Variants in KLRG1 observed in about 807,000 individuals in gnomAD.
KLRG1 encodes the protein killer cell lectin-like receptor subfamily G member 1.
KLRG1 carries 16 observed loss-of-function variants against 21.8 expected under a neutral mutation model. The observed-to-expected ratio is 0.73, with a 90% CI of 0.50 to 1.11. The LOEUF is 1.11. KLRG1 is among the 50% of genes most tolerant of loss of function. The pLI is 0.00. For missense variants in KLRG1, 173 were observed against 218.3 expected, an observed-to-expected ratio of 0.79 and a Z score of 1.31; for synonymous variants, 69 against 75.9, an observed-to-expected ratio of 0.91 and a Z score of 0.47.
the KLRG1 span, chr12:9,201,418 A>G: frequency 1.7e-6 from 2 of 1,175,028 alleles, no homozygotes; most frequent in Non-Finnish European, 2.5e-6. Context: ...ACTTGTGATC[A>G]AACAACAAAC....
At chr12:9,120,799 A>T in the KLRG1 span, among the ~76,000 whole-genome samples, 1 of 151,742 alleles carries the variant, frequency 6.6e-6, no homozygotes, top group Non-Finnish European at 1.5e-5. Flanking sequence ...ATCTACAGAG[A>T]TGTACTCAGT....
At chr12:8,985,177 T>A (rs1195622890), upstream of KLRG1, among the ~76,000 whole-genome samples, 3 of 152,198 alleles carry the variant, frequency 2.0e-5, no homozygotes, top group African/African-American at 7.2e-5. Flanking sequence ...CAGTGTTTTT[T>A]TTTTTTCGTG....
the KLRG1 span, chr12:9,160,901 C>T: frequency 1.0e-5 from 8 of 777,150 alleles, no homozygotes; most frequent in South Asian, 4.7e-5. Flanking sequence ...GGCGACAGAG[C>T]GAGACTCCAT....
the KLRG1 span, chr12:9,162,533 T>C: frequency 1.7e-5 from 19 of 1,127,050 alleles, 1 homozygote; most frequent in Non-Finnish European, 2.4e-5. Flanking sequence ...ATGTGCATTG[T>C]AACTTGAGGT....
chr12:9,130,627 A>C, the KLRG1 span, among the ~76,000 whole-genome samples: 1 of 151,898 alleles, frequency 6.6e-6, no homozygotes, highest in Admixed American at 6.6e-5. Context: ...AATATTTTGC[A>C]CACTTTAAAA....
the KLRG1 span, among the ~76,000 whole-genome samples, chr12:9,016,063 C>T: frequency 4.6e-5 from 7 of 151,790 alleles, no homozygotes; most frequent in African/African-American, 7.3e-5. Flanking sequence ...AGTAAAAATG[C>T]CTCAAATATA....
At chr12:8,966,470 A>G (rs1204334377) in intron 1 of KLRG1, among the ~76,000 whole-genome samples, 5 of 152,074 alleles carry the variant, frequency 3.3e-5, no homozygotes, top group African/African-American at 1.2e-4. Flanking sequence ...AGAATCTACA[A>G]TGAACTCAAA....
the KLRG1 span, among the ~76,000 whole-genome samples, chr12:9,182,703 AAG>A: frequency 6.6e-6 from 1 of 152,204 alleles, no homozygotes. Context: ...TTACATTTTA[AAG>A]CAGGGTGAAG....
At chr12:9,062,635 C>T in the KLRG1 span, among the ~76,000 whole-genome samples, 1 of 146,424 alleles carries the variant, frequency 6.8e-6, no homozygotes, top group African/African-American at 2.5e-5. Flanking sequence ...ATATATTATA[C>T]ATATACATTT....
At chr12:9,078,911 A>G in the KLRG1 span, among the ~76,000 whole-genome samples, 1 of 152,238 alleles carries the variant, frequency 6.6e-6, no homozygotes, top group East Asian at 1.9e-4. Flanking sequence ...AGCTGAAGTT[A>G]ACATGGTTTA....
chr12:9,071,052 TA>T, the KLRG1 span, among the ~76,000 whole-genome samples: 1 of 152,068 alleles, frequency 6.6e-6, no homozygotes, highest in African/African-American at 2.4e-5. Context: ...ACTCCCGACC[TA>T]AGGTAATCTG....
At chr12:9,002,555 C>A (rs1347314284) in intron 3 of KLRG1, among the ~76,000 whole-genome samples, 2 of 149,162 alleles carry the variant, frequency 1.3e-5, no homozygotes, top group African/African-American at 4.9e-5. Flanking sequence ...TCAGTTACCA[C>A]CTTTACCTAT....
At chr12:9,024,539 C>T in the KLRG1 span, among the ~76,000 whole-genome samples, 9 of 152,000 alleles carry the variant, frequency 5.9e-5, no homozygotes, top group South Asian at 2.1e-4. Context: ...TCTTTTCATA[C>T]ATTTTGCGTA....
At chr12:9,108,120 T>C in the KLRG1 span, among the ~76,000 whole-genome samples, 2 of 151,268 alleles carry the variant, frequency 1.3e-5, 1 homozygote, top group Middle Eastern at 6.8e-3. Context: ...TTTATTTTAT[T>C]TTATTTTATT....
At chr12:9,193,875 G>A in the KLRG1 span, among the ~76,000 whole-genome samples, 172 of 152,308 alleles carry the variant, frequency 1.1e-3, 4 homozygotes, top group East Asian at 0.021. Context: ...GATAATGATA[G>A]TGAAATTATC....
chr12:9,208,424 TG>T, the KLRG1 span: 1 of 1,064,014 alleles, frequency 9.4e-7, no homozygotes, highest in Non-Finnish European at 1.4e-6. Flanking sequence ...CCAGGCTTTA[TG>T]TGGCCACTAT....
the KLRG1 span, chr12:9,067,424 G>T: frequency 7.1e-6 from 2 of 281,388 alleles, no homozygotes; most frequent in Non-Finnish European, 6.9e-6. Context: ...GTCTTTTCTG[G>T]TGAAGTCAGT....
chr12:9,021,393 C>A, the KLRG1 span, among the ~76,000 whole-genome samples: 2 of 143,258 alleles, frequency 1.4e-5, no homozygotes, highest in Admixed American at 7.3e-5. Context: ...TTTTTAAAAA[C>A]TTTTTTACTC....
At chr12:9,200,841 A>G in the KLRG1 span, 1 of 1,555,910 alleles carries the variant, frequency 6.4e-7, no homozygotes, top group Non-Finnish European at 8.7e-7. Flanking sequence ...AAGTGAGCTC[A>G]CACTCTAGGA....
Sources: allele counts gnomAD v4.1 joint callset (sites outside exome capture counted in the v4.1 genomes callset), GRCh38; gene constraint gnomAD v4.1.1; transcripts MANE v1.5; gene names NCBI Gene and HGNC (gene_info 2026-07-23, HGNC 2026-07-21).